KCNK12: variants seen among roughly 807,000 people sequenced by gnomAD.
KCNK12 encodes potassium channel subfamily K member 12.
KCNK12 carries 6 observed loss-of-function variants against 25.3 expected under a neutral mutation model. The ratio of observed to expected loss-of-function variants is 0.24; its 90% CI spans 0.13 to 0.47. The LOEUF is 0.47. Among genes scored for constraint, KCNK12 ranks in the 20% least tolerant of loss-of-function variants. The pLI is 0.99. For synonymous variants in KCNK12, 331 were observed against 311.1 expected (o/e 1.06, Z -0.67); for missense variants, 444 against 661.7 (o/e 0.67, Z 3.61).
At chr2:47,549,302 C>G (rs540333692) in intron 1 of KCNK12, among the ~76,000 whole-genome samples, 1 of 152,260 alleles carries the variant, frequency 6.6e-6, no homozygotes, top group African/African-American at 2.4e-5. Context: ...AAAAACAAGT[C>G]TGGAAAATAT....
Position 47,516,736 on chromosome 2 carries a change from T to G in KCNK12, c.*4171A>C, listed in dbSNP as rs925675513. On this transcript the variant is annotated 3_prime_UTR_variant, in exon 2 of 2. Transcript: ENST00000327876. ...AGAGAACAGATAGCATAAAAAATGA[T>G]TTGTAAAGCAAGGGGGAGCTTCCTT... 6.6e-6 allele frequency: 1 copy of G among 152,216 alleles called. No homozygotes were observed. The highest frequency in any genetic ancestry group is 1.5e-5 in the Non-Finnish European group (1 of 68,058). 9.4% of individuals were successfully genotyped at this position (152,216 alleles called of 1,614,324 possible). A position where few individuals can be genotyped will look rare whatever the true frequency, so the allele number is the denominator to read the frequency against.
intron 1 of KCNK12, among the ~76,000 whole-genome samples, chr2:47,522,644 C>A (rs1420165548): frequency 6.6e-6 from 1 of 152,150 alleles, no homozygotes; most frequent in Non-Finnish European, 1.5e-5. Context: ...CCAGTGAATT[C>A]TTTGTTATTT....
At position 47,520,825 on chromosome 2, in the gene KCNK12, G is replaced by T; in HGVS notation, c.*82C>A. On this transcript the variant is annotated 3_prime_UTR_variant, in exon 2 of 2. Coordinates refer to ENST00000327876, the MANE Select transcript of KCNK12 (RefSeq NM_022055.2). The surrounding 1 kb of genome is among the most constrained non-coding windows in gnomAD (Gnocchi z 5.0). ...TTTATTGGATAAAGATTAAGAAAGC[G>T]CCAGCAGTGACTGAGAGAAGCAAAC... 1.1e-6 allele frequency: 1 copy of T among 947,956 alleles called. No individual in the cohort carries two copies. The highest frequency in any genetic ancestry group is 1.4e-6 in the Non-Finnish European group (1 of 727,254). 58.7% of individuals were successfully genotyped at this position (947,956 alleles called of 1,614,324 possible). A position where few individuals can be genotyped will look rare whatever the true frequency, so the allele number is the denominator to read the frequency against.
In KCNK12 at chr2:47,557,923, C is replaced by T. The variant is rs1253255946; in HGVS notation, c.391+12018G>A. Among the ~76,000 whole-genome samples, 1 of 152,202 alleles carries T rather than the reference C, an allele frequency of 6.6e-6. No individual in the cohort carries two copies. The highest frequency in any genetic ancestry group is 1.5e-5 in the Non-Finnish European group (1 of 68,038). The stretch of plus-strand genomic sequence containing the variant: ...GCTGCTGGGTTCCTGACATTGGTTA[C>T]AAGTTACATCTCTCTTTAAATATAA... On this transcript the variant is annotated intron_variant, in intron 1 of 1. Transcript: ENST00000327876. This position sits in a 1 kb window ranked among gnomAD's most constrained non-coding sequence, Gnocchi z 4.9.
intron 1 of KCNK12, among the ~76,000 whole-genome samples, chr2:47,549,242 T>A (rs1046984029): frequency 1.7e-4 from 26 of 152,282 alleles, no homozygotes; most frequent in African/African-American, 6.3e-4. Flanking sequence ...ATAGTGTGGC[T>A]CATCTAGTCC....
Position 47,555,739 on chromosome 2 carries a change from A to G in KCNK12, c.391+14202T>C, listed in dbSNP as rs547969997. On this transcript the variant is annotated intron_variant, in intron 1 of 1. Transcript: ENST00000327876. This position sits in a 1 kb window ranked among gnomAD's most constrained non-coding sequence, Gnocchi z 4.5. The stretch of plus-strand genomic sequence containing the variant: ...TGTAGGGGAAAAGCTTTTCCTCTAC[A>G]GGTGAGAGATTGTTTGGAGACAGTC... 1.3e-4 allele frequency: 20 copies of G among 152,336 alleles called. No homozygotes were observed. The highest frequency in any genetic ancestry group is 4.8e-4 in the African/African-American group (20 of 41,576). 9.4% of individuals were successfully genotyped at this position (152,336 alleles called of 1,614,324 possible).
chr2:47,558,944 G>C (rs998702380), intron 1 of KCNK12, among the ~76,000 whole-genome samples: 3 of 152,206 alleles, frequency 2.0e-5, no homozygotes, highest in African/African-American at 7.2e-5. Context: ...CAGGTGAAGA[G>C]AAAAGGCAGA....
rs1429948025 is a variant in KCNK12, at chr2:47,515,107, G to T, written c.*5800C>A. Reference sequence around the variant, plus strand: ...TTATGCAGGTAAAACAGCCACCTGTGCCCATCACATAGCTGGGGCACAGCT... The same window carrying T: ...TTATGCAGGTAAAACAGCCACCTGTTCCCATCACATAGCTGGGGCACAGCT... On this transcript the variant is annotated 3_prime_UTR_variant, in exon 2 of 2. Coordinates refer to ENST00000327876, the MANE Select transcript of KCNK12 (RefSeq NM_022055.2). Among the ~76,000 whole-genome samples the T allele has an allele frequency of 6.6e-6, 1 of 152,140 alleles. No homozygotes were observed. Among genetic ancestry groups the T allele is most frequent in the East Asian group, 1.9e-4 (1 of 5,194 alleles).
In KCNK12 at chr2:47,513,890, C is replaced by T. The variant is rs1668462496; in HGVS notation, c.*7017G>A. Among the ~76,000 whole-genome samples, 1 of 152,184 alleles carries T rather than the reference C, an allele frequency of 6.6e-6. No homozygotes were observed. The highest frequency in any genetic ancestry group is 1.5e-5 in the Non-Finnish European group (1 of 68,030). ...CTCCACGTCTCTGTGTTCTCACTAG[C>T]ACTACCTTGGTCCACCCTGCCATCT... On this transcript the variant is annotated 3_prime_UTR_variant, in exon 2 of 2. Transcript: ENST00000327876.
In KCNK12 at chr2:47,560,374, T is replaced by A. The variant is rs1204665058; in HGVS notation, c.391+9567A>T. On this transcript the variant is annotated intron_variant, in intron 1 of 1. Transcript: ENST00000327876. The surrounding 1 kb of genome is among the most constrained non-coding windows in gnomAD (Gnocchi z 4.7). ...GAAGCAGGCAGCCCTCGCTTTAGTG[T>A]AGCCACTGACACTGCCAGAAGCACA... Among the ~76,000 whole-genome samples the A allele has an allele frequency of 2.6e-5, 4 of 152,178 alleles. No homozygotes were observed. The highest frequency in any genetic ancestry group is 9.7e-5 in the African/African-American group (4 of 41,434).
rs1288848621 is a variant in KCNK12, at chr2:47,562,501, G to T, written c.391+7440C>A. 1 of 241,484 alleles carries T rather than the reference G, an allele frequency of 4.1e-6. No individual in the cohort carries two copies. The highest frequency in any genetic ancestry group is 2.2e-5 in the African/African-American group (1 of 45,726). The allele number at this position is 241,484 out of a possible 1,614,324, so 15.0% of individuals were successfully genotyped here. A position where few individuals can be genotyped will look rare whatever the true frequency, so the allele number is the denominator to read the frequency against. On this transcript the variant is annotated intron_variant, in intron 1 of 1. Coordinates refer to ENST00000327876, the MANE Select transcript of KCNK12 (RefSeq NM_022055.2). The surrounding 1 kb of genome is among the most constrained non-coding windows in gnomAD (Gnocchi z 4.8). ...ATGTTGGGGGTTGGCCAAGCGCAGGGAGGAGGCAGCACTCACAAGACAGAG... is the reference window on the plus strand; with the variant it reads ...ATGTTGGGGGTTGGCCAAGCGCAGGTAGGAGGCAGCACTCACAAGACAGAG...
In KCNK12 at chr2:47,538,327, G is replaced by A. The variant is rs1255745819; in HGVS notation, c.392-16519C>T. 6.6e-6 allele frequency among the ~76,000 whole-genome samples: 1 copy of A among 152,176 alleles called. No individual in the cohort carries two copies. Among genetic ancestry groups the A allele is most frequent in the Non-Finnish European group, 1.5e-5 (1 of 68,024 alleles). On this transcript the variant is annotated intron_variant, in intron 1 of 1. Transcript: ENST00000327876. The surrounding 1 kb of genome is among the most constrained non-coding windows in gnomAD (Gnocchi z 4.5). ...AGGGTGAGGAGTGTGCGGGCAGGGA[G>A]GAGGCAGGTCATGGTTTTAAGTGGG...
rs1163436596 is a variant in KCNK12 at position 47,515,888 on chromosome 2, C to G, written c.*5019G>C. ...TCCCCAGCTGACACTGTGGGAAGGA[C>G]CCCATGCAGAAGCAATAGGGCAGCC... On this transcript the variant is annotated 3_prime_UTR_variant, in exon 2 of 2. Coordinates refer to ENST00000327876, the MANE Select transcript of KCNK12 (RefSeq NM_022055.2). Among the ~76,000 whole-genome samples the G allele has an allele frequency of 1.3e-5, 2 of 152,166 alleles. No individual in the cohort carries two copies. Among genetic ancestry groups the G allele is most frequent in the Non-Finnish European group, 2.9e-5 (2 of 68,042 alleles).
rs1056590566 is a variant in KCNK12 at position 47,511,553 on chromosome 2, G to A, written c.*9354C>T. ...ACAGTGCATGACGTTACCCGCACAG[G>A]TGTGACATCACAGGGTAACCAAATG... is the stretch of plus-strand genomic sequence containing the variant. On this transcript the variant is annotated 3_prime_UTR_variant, in exon 2 of 2. Coordinates refer to ENST00000327876, the MANE Select transcript of KCNK12 (RefSeq NM_022055.2). This position sits in a 1 kb window ranked among gnomAD's most constrained non-coding sequence, Gnocchi z 4.3. 6.6e-6 allele frequency among the ~76,000 whole-genome samples: 1 copy of A among 152,192 alleles called. No homozygotes were observed. Among genetic ancestry groups the A allele is most frequent in the Non-Finnish European group, 1.5e-5 (1 of 68,034 alleles).
chr2:47,546,613 T>C (rs949319493), intron 1 of KCNK12, among the ~76,000 whole-genome samples: 1 of 152,164 alleles, frequency 6.6e-6, no homozygotes, highest in African/African-American at 2.4e-5. Context: ...GCTGTGATCA[T>C]GCCACTGCAC....
At chr2:47,535,550 C>A (rs1486712495) in intron 1 of KCNK12, among the ~76,000 whole-genome samples, 1 of 152,146 alleles carries the variant, frequency 6.6e-6, no homozygotes, top group African/African-American at 2.4e-5. Context: ...ATGGCCCGCA[C>A]ACAGGAAGTG....
At chr2:47,553,952 A>G (rs1365403067) in intron 1 of KCNK12, among the ~76,000 whole-genome samples, 1 of 152,204 alleles carries the variant, frequency 6.6e-6, no homozygotes, top group African/African-American at 2.4e-5. Context: ...TAGCTTTGCC[A>G]CTTACATGTG....
chr2:47,543,356 C>T (rs555841396), intron 1 of KCNK12: 23 of 151,834 alleles, frequency 1.5e-4, no homozygotes, highest in South Asian at 1.5e-3. Context: ...TTTTCACACA[C>T]GGTTTATTTA....
chr2:47,512,363 C>G lies in KCNK12; in HGVS notation c.*8544G>C, dbSNP rs771516448. 3.1e-6 allele frequency: 5 copies of G among 1,612,384 alleles called. No homozygotes were observed. Among genetic ancestry groups the G allele is most frequent in the Admixed American group, 1.7e-5 (1 of 59,980 alleles). ...CATTTTGCTGACATGGAAAAGGAAA[C>G]TTCGTGGGGGAAAGAGATCTGCTTG... On this transcript the variant is annotated 3_prime_UTR_variant, in exon 2 of 2. Transcript: ENST00000327876.
Sources: gnomAD v4.1 joint callset for allele counts (sites outside exome capture counted in the v4.1 genomes callset) on GRCh38, gnomAD v4.1.1 for gene constraint, Gnocchi (gnomAD v3.1) non-coding constraint, MANE v1.5 for transcripts, NCBI Gene and HGNC (gene_info 2026-07-23, HGNC 2026-07-21) for gene names.